SH3GL3: variants seen among roughly 807,000 people sequenced by gnomAD.
SH3GL3 encodes SH3 domain containing GRB2 like 3, endophilin A3.
SH3GL3 carries 33 observed loss-of-function variants against 47.7 expected under a neutral mutation model. The observed-to-expected ratio is 0.69, with a 90% CI of 0.52 to 0.92. The LOEUF (loss-of-function observed/expected upper bound fraction) is 0.92. Ranked by LOEUF, SH3GL3 falls within the 40% of genes least tolerant of loss-of-function variation. The pLI, the probability that SH3GL3 is intolerant of heterozygous loss-of-function variation, is 0.00. For missense variants in SH3GL3, 363 were observed against 417.8 expected (o/e 0.87, Z 1.14); for synonymous variants, 155 against 148.8 (o/e 1.04, Z -0.30).
chr15:83,486,240 A>T (rs570411351), intron 1 of SH3GL3, among the ~76,000 whole-genome samples: 14 of 151,702 alleles, frequency 9.2e-5, no homozygotes, highest in Non-Finnish European at 3.0e-5. Flanking sequence ...GCTTTTTTTT[A>T]AATTCAAATT....
intron 1 of SH3GL3, among the ~76,000 whole-genome samples, chr15:83,507,269 A>G (rs2042551851): frequency 1.3e-5 from 2 of 151,950 alleles, no homozygotes; most frequent in African/African-American, 4.8e-5. Flanking sequence ...CGACCTCCCA[A>G]AGTGTTGGGA....
intron 1 of SH3GL3, among the ~76,000 whole-genome samples, chr15:83,492,270 A>G (rs1234405453): frequency 8.8e-6 from 1 of 113,328 alleles, no homozygotes; most frequent in Non-Finnish European, 1.7e-5. Context: ...ACAGAGCAAG[A>G]CTCCCTCTCA....
At chr15:83,484,798 A>T (rs2041519422) in intron 1 of SH3GL3, among the ~76,000 whole-genome samples, 1 of 152,222 alleles carries the variant, frequency 6.6e-6, no homozygotes, top group Non-Finnish European at 1.5e-5. Flanking sequence ...GCTCTCTCTG[A>T]CATGAAGCAC....
rs71156085 is a variant in SH3GL3 at position 83,541,312 on chromosome 15, A to ATTTTTT, written c.46-17907_46-17902dup. Among the ~76,000 whole-genome samples, 376 of 47,368 alleles carry ATTTTTT rather than the reference A, an allele frequency of 7.9e-3. 102 individuals carry two copies. Among genetic ancestry groups the ATTTTTT allele is most frequent in the East Asian group, 0.017 (18 of 1,088 alleles). 31.1% of individuals were successfully genotyped at this position (47,368 alleles called of 152,430 possible). A position where few individuals can be genotyped will look rare whatever the true frequency, so the allele number is the denominator to read the frequency against. ...GATGGCTGGATCATATGGTAATTCT[A>ATTTTTT]TTTTTTTTTTTTTTTTTTTTTTTTT... is the stretch of plus-strand genomic sequence containing the variant. On this transcript the variant is annotated intron_variant, in intron 1 of 8. Coordinates refer to ENST00000427482, the MANE Select transcript of SH3GL3 (RefSeq NM_003027.5).
In SH3GL3 at chr15:83,600,009, A is replaced by C. The variant is rs183241602; in HGVS notation, c.838+11238A>C. On this transcript the variant is annotated intron_variant, in intron 8 of 8. Coordinates refer to ENST00000427482, the MANE Select transcript of SH3GL3 (RefSeq NM_003027.5). ...ATCTTCTTTTGAGAATTGTCTATTC[A>C]TGTCGTTAGCCCACTTTTAGATGGG... Among the ~76,000 whole-genome samples the C allele has an allele frequency of 3.0e-3, 443 of 149,266 alleles. 4 individuals are homozygous for C. Among genetic ancestry groups the C allele is most frequent in the African/African-American group, 0.01 (420 of 40,284 alleles).
chr15:83,539,370 C>G (rs2044057967), intron 1 of SH3GL3, among the ~76,000 whole-genome samples: 1 of 152,126 alleles, frequency 6.6e-6, no homozygotes, highest in African/African-American at 2.4e-5. Flanking sequence ...TCTGAAGTCT[C>G]TTTTATATGG....
At chr15:83,514,019 G>T (rs2042881849) in intron 1 of SH3GL3, among the ~76,000 whole-genome samples, 1 of 152,168 alleles carries the variant, frequency 6.6e-6, no homozygotes, top group Non-Finnish European at 1.5e-5. Flanking sequence ...TTCCATCTGT[G>T]CTGTTCAGTA....
At chr15:83,500,061 A>G (rs1429834938) in intron 1 of SH3GL3, among the ~76,000 whole-genome samples, 1 of 152,172 alleles carries the variant, frequency 6.6e-6, no homozygotes, top group Non-Finnish European at 1.5e-5. Context: ...ATTTGATGAT[A>G]ATGAGGGGCT....
intron 1 of SH3GL3, among the ~76,000 whole-genome samples, chr15:83,520,367 C>G (rs920281503): frequency 7.9e-5 from 12 of 152,198 alleles, no homozygotes; most frequent in African/African-American, 2.7e-4. Flanking sequence ...TCAAGACTTG[C>G]AGAAACATGA....
At chr15:83,518,117 G>C (rs1337825156) in intron 1 of SH3GL3, among the ~76,000 whole-genome samples, 1 of 152,148 alleles carries the variant, frequency 6.6e-6, no homozygotes, top group Non-Finnish European at 1.5e-5. Flanking sequence ...TCCATGGTGT[G>C]CAAGTACCAC....
chr15:83,498,455 T>C (rs2042166353), intron 1 of SH3GL3, among the ~76,000 whole-genome samples: 1 of 152,216 alleles, frequency 6.6e-6, no homozygotes, highest in African/African-American at 2.4e-5. Context: ...GCTCAATATG[T>C]AGTAACTTCC....
At chr15:83,510,146 A>G (rs183382731) in intron 1 of SH3GL3, among the ~76,000 whole-genome samples, 218 of 152,068 alleles carry the variant, frequency 1.4e-3, no homozygotes, top group South Asian at 8.9e-3. Context: ...TTGTGCCATC[A>G]TCAGACAACT....
At chr15:83,555,184 A>C (rs974682510) in intron 1 of SH3GL3, among the ~76,000 whole-genome samples, 6 of 152,164 alleles carry the variant, frequency 3.9e-5, no homozygotes, top group African/African-American at 1.4e-4. Flanking sequence ...TTTTATGACT[A>C]TATAATACTT....
chr15:83,534,820 G>A (rs1047717132), intron 1 of SH3GL3, among the ~76,000 whole-genome samples: 1 of 151,900 alleles, frequency 6.6e-6, no homozygotes, highest in African/African-American at 2.4e-5. Context: ...CACTAATTTT[G>A]TTGTTGTTGT....
intron 1 of SH3GL3, among the ~76,000 whole-genome samples, chr15:83,471,617 C>A (rs1310640342): frequency 1.3e-5 from 2 of 152,182 alleles, no homozygotes; most frequent in Non-Finnish European, 2.9e-5. Context: ...TAAAAGTTCA[C>A]TTCTCATACT....
In SH3GL3 at chr15:83,559,140, A is replaced by G; in HGVS notation, c.46-113A>G. 4.5e-6 allele frequency: 3 copies of G among 664,072 alleles called. No individual in the cohort carries two copies. In the South Asian group the frequency reaches 5.8e-5, roughly 13 times the overall value. 41.1% of individuals were successfully genotyped at this position (664,072 alleles called of 1,614,324 possible). On this transcript the variant is annotated intron_variant, in intron 1 of 8. Coordinates refer to ENST00000427482, the MANE Select transcript of SH3GL3 (RefSeq NM_003027.5). ...CAATTTTCTTAAAGGAGTTAGTTCA[A>G]AAAATCCAACAAGTTGAATCCAAGT...
intron 1 of SH3GL3, among the ~76,000 whole-genome samples, chr15:83,546,995 G>A (rs1368053084): frequency 6.6e-6 from 1 of 152,180 alleles, no homozygotes; most frequent in Non-Finnish European, 1.5e-5. Flanking sequence ...AGTTGGGGAA[G>A]GGGTGATGCA....
In SH3GL3 at chr15:83,495,048, T is replaced by C. The variant is rs2042026557; in HGVS notation, c.45+47470T>C. On this transcript the variant is annotated intron_variant, in intron 1 of 8. Coordinates refer to ENST00000427482, the MANE Select transcript of SH3GL3 (RefSeq NM_003027.5). ...AGGTGGAGAGGCTTAGTTCTATGTG[T>C]CTTCCACCTGCAGAGGGTGTATGGG... Among the ~76,000 whole-genome samples the C allele has an allele frequency of 2.0e-5, 3 of 152,274 alleles. No individual in the cohort carries two copies. The South Asian group carries it at 6.2e-4, about 32-fold the overall frequency.
chr15:83,483,022 T>G (rs181799357), intron 1 of SH3GL3, among the ~76,000 whole-genome samples: 1 of 152,330 alleles, frequency 6.6e-6, no homozygotes, highest in South Asian at 2.1e-4. Context: ...TTTCCTTCCC[T>G]TGCCTTCTGT....
Sources: gnomAD v4.1 joint callset for allele counts (sites outside exome capture counted in the v4.1 genomes callset) on GRCh38, gnomAD v4.1.1 for gene constraint, MANE v1.5 for transcripts, NCBI Gene and HGNC (gene_info 2026-07-23, HGNC 2026-07-21) for gene names.